The following ANLN variants were observed in gnomAD, a reference collection of about 807,000 sequenced individuals.
The protein encoded by ANLN is anillin.
In ANLN, 59 loss-of-function variants were observed where a neutral mutation model predicts 135.1. The observed-to-expected ratio is 0.44, with a 90% CI of 0.35 to 0.54. The LOEUF (loss-of-function observed/expected upper bound fraction) is 0.54. ANLN is among the 20% of genes least tolerant of loss of function. ANLN has a pLI of 0.00. For synonymous variants in ANLN, 406 were observed against 456.4 expected, an observed-to-expected ratio of 0.89 and a Z score of 1.41; for missense variants, 1,182 against 1,340.0, an observed-to-expected ratio of 0.88 and a Z score of 1.84.
chr7:36,415,640 T>G, intron 7 of ANLN, 118 bp from the exon 8 acceptor site: 1 of 1,168,710 alleles, frequency 8.6e-7, no homozygotes, highest in African/African-American at 1.6e-5. Flanking sequence ...ATCTCTTTGG[T>G]TCTAAGGAAA....
In ANLN at chr7:36,420,213, A is replaced by C. The variant is rs1787816176; in HGVS notation, c.1914A>C (p.Arg638Ser). The C allele has an allele frequency of 6.2e-7, 1 of 1,614,052 alleles. No individual in the cohort carries two copies. The highest frequency in any genetic ancestry group is 8.5e-7 in the Non-Finnish European group (1 of 1,179,950). The change falls in exon 11 of 24, where the codon AGA (arginine) becomes AGC (serine). Residue 638 changes from arginine (R) to serine (S), a missense_variant. By Grantham distance (110) the Arg-to-Ser change is moderately radical (BLOSUM62 -1). Coordinates refer to ENST00000265748, the MANE Select transcript of ANLN (RefSeq NM_018685.5). ...TPRLELKDTS[R>S]SDESPKPGKF... ...GACTGGAATTGAAAGACACCAGCAG[A>C]AGTGATGAAAGTCCAAAACCAGGAA...
intron 21 of ANLN, among the ~76,000 whole-genome samples, chr7:36,441,419 T>C (rs950869299): frequency 3.9e-5 from 6 of 152,236 alleles, no homozygotes; most frequent in African/African-American, 1.4e-4. Flanking sequence ...TAATTGCCTC[T>C]ACCCCCTATA....
In ANLN at chr7:36,424,027, A is replaced by G. The variant is rs1050289702; in HGVS notation, c.2603+84A>G. On this transcript the variant is annotated intron_variant, in intron 15 of 23. Coordinates refer to ENST00000265748, the MANE Select transcript of ANLN (RefSeq NM_018685.5). ...AGTCTAAAGCATTCAGGTGGCATTT[A>G]TAATCTTTGAAACGCCTTATGCACA... 14 of 1,399,570 alleles carry G rather than the reference A, an allele frequency of 1.0e-5. No homozygotes were observed. In the Admixed American group the frequency reaches 2.9e-4, roughly 29 times the overall value. The allele number at this position is 1,399,570 out of a possible 1,614,324, so 86.7% of individuals were successfully genotyped here.
chr7:36,430,934 TA>T (rs1788286992), intron 20 of ANLN, among the ~76,000 whole-genome samples: 1 of 152,178 alleles, frequency 6.6e-6, no homozygotes, highest in African/African-American at 2.4e-5. Context: ...CACACTCAAC[TA>T]GGGGGAGGGG....
intron 21 of ANLN, among the ~76,000 whole-genome samples, chr7:36,442,995 A>T (rs1788839350): frequency 6.6e-6 from 1 of 151,318 alleles, no homozygotes; most frequent in Non-Finnish European, 1.5e-5. Context: ...GGGCTCTGTT[A>T]TGACTATAAC....
chr7:36,399,287 G>A lies in ANLN; in HGVS notation c.381G>A (p.Arg127=). The A allele has an allele frequency of 6.2e-7, 1 of 1,614,134 alleles. No homozygotes were observed. Among genetic ancestry groups the A allele is most frequent in the Non-Finnish European group, 8.5e-7 (1 of 1,180,010 alleles). The part of the protein sequence containing the change: ...VAVPASLLGM[R]RGLNSRLEAT... ...TCCCGGCATCACTGCTGGGCATGAG[G>A]AGAGGGCTGAACTCAAGATTGGAAG... The change falls in exon 3 of 24, where the codon AGG becomes AGA. Residue 127 remains arginine (R), a synonymous_variant. Transcript: ENST00000265748.
intron 2 of ANLN, 37 bp from the exon 3 acceptor site, chr7:36,399,042 C>A: frequency 6.5e-7 from 1 of 1,536,340 alleles, no homozygotes; most frequent in Non-Finnish European, 8.8e-7. Context: ...TGAGAAATTA[C>A]AAATTTGAAT....
Position 36,401,788 on chromosome 7 carries a change from T to C in ANLN, c.487+2395T>C, listed in dbSNP as rs1157575336. ...AGAAATAACAACAACAACAAACAAA[T>C]AAATTAAAAAAAAATTGAGGACTAG... On this transcript the variant is annotated intron_variant, in intron 3 of 23. Coordinates refer to ENST00000265748, the MANE Select transcript of ANLN (RefSeq NM_018685.5). Among the ~76,000 whole-genome samples the C allele has an allele frequency of 4.3e-5, 5 of 116,782 alleles. 2 individuals are homozygous for C. Among genetic ancestry groups the C allele is most frequent in the Non-Finnish European group, 9.3e-5 (5 of 53,710 alleles). 76.6% of individuals were successfully genotyped at this position (116,782 alleles called of 152,430 possible).
chr7:36,436,293 A>G (rs1788547968), intron 20 of ANLN, among the ~76,000 whole-genome samples: 1 of 152,164 alleles, frequency 6.6e-6, no homozygotes, highest in Non-Finnish European at 1.5e-5. Flanking sequence ...CATGTATTAG[A>G]ACTTCATTTC....
At chr7:36,402,422 G>A (rs1293449517) in intron 3 of ANLN, among the ~76,000 whole-genome samples, 1 of 152,024 alleles carries the variant, frequency 6.6e-6, no homozygotes, top group Non-Finnish European at 1.5e-5. Flanking sequence ...CTGCACCTAG[G>A]TTATAATACT....
Position 36,389,924 on chromosome 7 carries a change from G to T in ANLN, c.-103G>T. On this transcript the variant is annotated 5_prime_UTR_variant, in exon 1 of 24. Transcript: ENST00000265748. The stretch of plus-strand genomic sequence containing the variant: ...GTTGTGGGAGAGTTCCCCCGCCTCA[G>T]ACTCCTGGTTTTTTCCAGGAGACAC... 6.2e-7 allele frequency: 1 copy of T among 1,606,862 alleles called. No homozygotes were observed.
chr7:36,417,310 T>C, intron 9 of ANLN, 120 bp downstream of exon 9: 2 of 612,460 alleles, frequency 3.3e-6, no homozygotes, highest in Non-Finnish European at 5.6e-6. Flanking sequence ...CAGAATACAC[T>C]GTAGCTTCTA....
At position 36,420,794 on chromosome 7, in the gene ANLN, G is replaced by A; in HGVS notation, c.2163+50G>A. On this transcript the variant is annotated intron_variant, in intron 12 of 23. Transcript: ENST00000265748. ...TTTGGAATGTTTCTTGCACTAGGCT[G>A]TGAGCTCTGTGAGGACAAAGGGCCC... 6 of 1,587,968 alleles carry A rather than the reference G, an allele frequency of 3.8e-6. No individual in the cohort carries two copies. The Middle Eastern group carries it at 6.7e-4, about 178-fold the overall frequency.
chr7:36,390,387 T>C (rs1778110188), intron 1 of ANLN: 1 of 338,876 alleles, frequency 3.0e-6, no homozygotes, highest in Admixed American at 4.5e-5. Context: ...CGGGTCCTGC[T>C]GGAAGCAGCT....
chr7:36,452,686 T>G lies in ANLN; in HGVS notation c.*86T>G. 1 of 1,517,898 alleles carries G rather than the reference T, an allele frequency of 6.6e-7. No homozygotes were observed. Among genetic ancestry groups the G allele is most frequent in the East Asian group, 2.3e-5 (1 of 43,978 alleles). 94.0% of individuals were successfully genotyped at this position (1,517,898 alleles called of 1,614,324 possible). ...AGCATCAGATTTACTGATTGCATTT[T>G]ATGCTTTAAGTACGAAAGGGTTTGT... is the stretch of plus-strand genomic sequence containing the variant. On this transcript the variant is annotated 3_prime_UTR_variant, in exon 24 of 24. Transcript: ENST00000265748.
At chr7:36,411,588 C>T (rs777828555) in intron 7 of ANLN, among the ~76,000 whole-genome samples, 4 of 152,142 alleles carry the variant, frequency 2.6e-5, no homozygotes, top group Admixed American at 6.5e-5. Context: ...CTCTTTATTC[C>T]GGTCAAAGTT....
intron 22 of ANLN, among the ~76,000 whole-genome samples, chr7:36,447,712 C>T (rs1205919252): frequency 6.6e-6 from 1 of 152,118 alleles, no homozygotes; most frequent in African/African-American, 2.4e-5. Context: ...GCAGGTAAGG[C>T]GTGGATACGC....
chr7:36,427,023 G>A lies in ANLN; in HGVS notation c.2878G>A (p.Asp960Asn), dbSNP rs778370887. Reference sequence around the variant, plus strand: ...AGTAGGAAATACTAAGTTTGTTCTGGACAAGGTAATCCAACTTTATTTCTA... The same window carrying A: ...AGTAGGAAATACTAAGTTTGTTCTGAACAAGGTAATCCAACTTTATTTCTA... ...SSVGNTKFVL[D>N]KVPFLSSLEG... Residue 960 changes from aspartate (D) to asparagine (N), a missense_variant, in exon 20 of 24, where the codon GAC becomes AAC. By Grantham distance (23) the Asp-to-Asn change is conservative. This residue lies in a region of ANLN where 82 missense variants were observed against 133.3 expected (regional missense o/e 0.62). Coordinates refer to ENST00000265748, the MANE Select transcript of ANLN (RefSeq NM_018685.5). 1.3e-6 allele frequency: 2 copies of A among 1,591,282 alleles called. No individual in the cohort carries two copies. Among genetic ancestry groups the A allele is most frequent in the Non-Finnish European group, 1.7e-6 (2 of 1,167,946 alleles).
intron 22 of ANLN, among the ~76,000 whole-genome samples, chr7:36,448,602 T>G (rs1789113633): frequency 6.6e-6 from 1 of 152,242 alleles, no homozygotes; most frequent in South Asian, 2.1e-4. Flanking sequence ...TCATTGATTT[T>G]GGCCTTTGAA....
Sources: gnomAD v4.1 joint callset for allele counts (sites outside exome capture counted in the v4.1 genomes callset) on GRCh38, gnomAD v4.1.1 for gene constraint, gnomAD v4.1.1 regional missense constraint, MANE v1.5 for transcripts, NCBI Gene and HGNC (gene_info 2026-07-23, HGNC 2026-07-21) for gene names.